PTPRD: variants seen among roughly 807,000 people sequenced by gnomAD.
The protein encoded by PTPRD is receptor-type tyrosine-protein phosphatase delta.
A neutral mutation model predicts 214.5 loss-of-function variants in PTPRD; 34 were observed. That is an observed-to-expected ratio of 0.16 (90% CI 0.12 to 0.21). The LOEUF (loss-of-function observed/expected upper bound fraction) is 0.21, where lower values mean the gene tolerates loss of function less well. PTPRD is among the 10% of genes least tolerant of loss of function. The probability of loss-of-function intolerance (pLI) is 1.00; values close to 1 mark genes in which losing one functional copy is unlikely to be tolerated. For missense variants in PTPRD, 2,545 were observed against 2,398.7 expected, an observed-to-expected ratio of 1.06 and a Z score of -1.27; for synonymous variants, 1,128 against 845.7, an observed-to-expected ratio of 1.33 and a Z score of -5.79.
At chr9:10,474,904 A>G (rs1488395365) in intron 2 of PTPRD, among the ~76,000 whole-genome samples, 1 of 152,292 alleles carries the variant, frequency 6.6e-6, no homozygotes, top group East Asian at 1.9e-4. Flanking sequence ...TAAATAAATT[A>G]AGACAGAAAT....
intron 9 of PTPRD, among the ~76,000 whole-genome samples, chr9:9,273,961 T>C (rs1444786801): frequency 1.3e-5 from 2 of 151,354 alleles, no homozygotes; most frequent in Non-Finnish European, 3.0e-5. Context: ...CTTTGATCTG[T>C]AATCAACCTA....
intron 10 of PTPRD, among the ~76,000 whole-genome samples, chr9:9,022,032 TA>T (rs1338495688): frequency 5.3e-5 from 8 of 151,848 alleles, no homozygotes; most frequent in African/African-American, 1.9e-4. Flanking sequence ...ATGCGGGGCT[TA>T]AAACCTAGAT....
intron 10 of PTPRD, among the ~76,000 whole-genome samples, chr9:9,181,126 T>C (rs573422991): frequency 3.0e-4 from 45 of 152,156 alleles, no homozygotes; most frequent in Non-Finnish European, 5.4e-4. Context: ...CAGTTTCTTT[T>C]GTAATGGGAT....
At chr9:8,535,869 C>G (rs973996840) in intron 14 of PTPRD, among the ~76,000 whole-genome samples, 1 of 151,774 alleles carries the variant, frequency 6.6e-6, no homozygotes, top group Non-Finnish European at 1.5e-5. Context: ...GGAAATCTCT[C>G]GATGAGATTT....
chr9:10,046,238 C>A (rs576840259), intron 3 of PTPRD, among the ~76,000 whole-genome samples: 2 of 151,852 alleles, frequency 1.3e-5, no homozygotes, highest in Non-Finnish European at 3.0e-5. Flanking sequence ...ATATTATATT[C>A]TGCTTTATCT....
chr9:9,455,546 G>A (rs997542245), intron 8 of PTPRD, among the ~76,000 whole-genome samples: 2 of 151,320 alleles, frequency 1.3e-5, no homozygotes, highest in East Asian at 3.9e-4. Context: ...CTTTTACAAG[G>A]CCCCCAAAAG....
At chr9:8,833,715 TACACACAC>T (rs1177957119) in intron 11 of PTPRD, among the ~76,000 whole-genome samples, 1,399 of 133,732 alleles carry the variant, frequency 0.01, 19 homozygotes, top group African/African-American at 0.035. Context: ...TATATATATA[TACACACAC>T]ACACACACAC....
Position 9,092,792 on chromosome 9 carries a change from A to T in PTPRD, c.-142-74057T>A, listed in dbSNP as rs534890588. Among the ~76,000 whole-genome samples the T allele has an allele frequency of 1.3e-4, 20 of 152,204 alleles. 1 individual carries two copies. The East Asian group carries it at 3.7e-3, about 28-fold the overall frequency. ...ATATAAAGATGATTAATAGTGTAGAAATTTAGAAAGACAAATAAAAAATTA... is the reference window on the plus strand; with the variant it reads ...ATATAAAGATGATTAATAGTGTAGATATTTAGAAAGACAAATAAAAAATTA... On this transcript the variant is annotated intron_variant, in intron 10 of 45. Coordinates refer to ENST00000381196, the MANE Select transcript of PTPRD (RefSeq NM_002839.4).
chr9:9,263,537 T>C (rs2099981054), intron 9 of PTPRD, among the ~76,000 whole-genome samples: 1 of 151,698 alleles, frequency 6.6e-6, no homozygotes, highest in Non-Finnish European at 1.5e-5. Flanking sequence ...TGTAACTTCA[T>C]GAAAGCATTA....
chr9:10,253,201 C>G (rs2154370549), intron 3 of PTPRD, among the ~76,000 whole-genome samples: 1 of 152,266 alleles, frequency 6.6e-6, no homozygotes, highest in South Asian at 2.1e-4. Context: ...TGACCCATCA[C>G]TACTCTGATG....
At chr9:9,570,570 C>A (rs868438578) in intron 8 of PTPRD, among the ~76,000 whole-genome samples, 12 of 151,392 alleles carry the variant, frequency 7.9e-5, no homozygotes, top group Admixed American at 7.9e-4. Flanking sequence ...CATTATTTAT[C>A]TTTTTGGAAT....
chr9:10,423,470 T>C (rs1565941067), intron 2 of PTPRD, among the ~76,000 whole-genome samples: 1 of 151,752 alleles, frequency 6.6e-6, no homozygotes, highest in Non-Finnish European at 1.5e-5. Flanking sequence ...AAAAGGAAGA[T>C]TAATACAACT....
At chr9:10,460,587 A>G (rs2098951355) in intron 2 of PTPRD, among the ~76,000 whole-genome samples, 1 of 152,178 alleles carries the variant, frequency 6.6e-6, no homozygotes. Flanking sequence ...CAGTCAACTA[A>G]TTTTTGACAA....
At chr9:10,180,531 T>G (rs2099276072) in intron 3 of PTPRD, among the ~76,000 whole-genome samples, 1 of 151,468 alleles carries the variant, frequency 6.6e-6, no homozygotes, top group African/African-American at 2.4e-5. Flanking sequence ...TTTCCAGAAA[T>G]TTTTAAGATG....
rs546596360 is a variant in PTPRD at position 9,777,113 on chromosome 9, T to C, written c.-367-10262A>G. On this transcript the variant is annotated intron_variant, in intron 5 of 45. Transcript: ENST00000381196. ...TATGCTAGTTGTTATGGCTAACATG[T>C]AATATAGTAAGAACACTGGAAAGTA... 2.0e-5 allele frequency among the ~76,000 whole-genome samples: 3 copies of C among 152,302 alleles called. No homozygotes were observed. In the South Asian group the frequency reaches 6.2e-4, roughly 32 times the overall value.
At chr9:8,863,105 A>T (rs1285762864) in intron 11 of PTPRD, among the ~76,000 whole-genome samples, 1 of 152,248 alleles carries the variant, frequency 6.6e-6, no homozygotes, top group Non-Finnish European at 1.5e-5. Context: ...TCATAAAGAA[A>T]GGCCTAGAAA....
intron 14 of PTPRD, among the ~76,000 whole-genome samples, chr9:8,590,045 G>T (rs1004544739): frequency 6.6e-6 from 1 of 151,998 alleles, no homozygotes; most frequent in African/African-American, 2.4e-5. Flanking sequence ...CAATGTTCAC[G>T]AGGTTCCAAG....
chr9:8,912,593 T>C (rs73422043), intron 11 of PTPRD, among the ~76,000 whole-genome samples: 5,014 of 152,170 alleles, frequency 0.033, 268 homozygotes, highest in African/African-American at 0.11. Flanking sequence ...AAACATTGAA[T>C]TGTACACTTA....
At chr9:9,491,743 A>C (rs1445019635) in intron 8 of PTPRD, among the ~76,000 whole-genome samples, 1 of 152,042 alleles carries the variant, frequency 6.6e-6, no homozygotes, top group African/African-American at 2.4e-5. Flanking sequence ...ATAAAATAAA[A>C]CCACAACATA....
Sources: gnomAD v4.1 joint callset for allele counts (sites outside exome capture counted in the v4.1 genomes callset) on GRCh38, gnomAD v4.1.1 for gene constraint, MANE v1.5 for transcripts, NCBI Gene and HGNC (gene_info 2026-07-23, HGNC 2026-07-21) for gene names.